Variants in AGPAT3 observed in about 807,000 individuals in gnomAD.
AGPAT3 encodes the protein 1-acylglycerol-3-phosphate O-acyltransferase 3.
In AGPAT3, 5 loss-of-function variants were observed where a neutral mutation model predicts 47.3. The observed-to-expected ratio is 0.11, with a 90% CI of 0.06 to 0.22. The LOEUF (loss-of-function observed/expected upper bound fraction) is 0.22. Ranked by LOEUF, AGPAT3 falls within the 10% of genes least tolerant of loss-of-function variation. The probability of loss-of-function intolerance (pLI) is 1.00; values close to 1 mark genes in which losing one functional copy is unlikely to be tolerated. For missense variants in AGPAT3, 315 were observed against 493.0 expected (o/e 0.64, Z 3.42); for synonymous variants, 212 against 208.3 (o/e 1.02, Z -0.15).
chr21:43,892,447 A>G (rs1229302268), intron 1 of AGPAT3, among the ~76,000 whole-genome samples: 4 of 152,216 alleles, frequency 2.6e-5, no homozygotes, highest in South Asian at 2.1e-4. Flanking sequence ...TGCATTGGCA[A>G]TGAACAGTAA....
At chr21:43,915,259 C>A (rs575696327) in intron 2 of AGPAT3, among the ~76,000 whole-genome samples, 1 of 151,570 alleles carries the variant, frequency 6.6e-6, no homozygotes, top group Admixed American at 6.6e-5. Context: ...ACCATGTTGG[C>A]CAGGCTGGTC....
chr21:43,905,157 ATTTATT>A (rs2086461929), intron 2 of AGPAT3, among the ~76,000 whole-genome samples: 6 of 15,964 alleles, frequency 3.8e-4, no homozygotes, highest in African/African-American at 3.7e-3. Context: ...TAAAAAAAAT[ATTTATT>A]TATTTATTTA....
chr21:43,901,097 T>C (rs2086339011), intron 1 of AGPAT3, among the ~76,000 whole-genome samples: 1 of 151,608 alleles, frequency 6.6e-6, no homozygotes, highest in African/African-American at 2.4e-5. Context: ...AGCCCAGGAG[T>C]TCAAGACCCT....
intron 2 of AGPAT3, among the ~76,000 whole-genome samples, chr21:43,909,420 C>A (rs151273946): frequency 6.6e-6 from 1 of 151,990 alleles, no homozygotes; most frequent in Non-Finnish European, 1.5e-5. Context: ...CTCAGCCTCC[C>A]GAGTAGCTGG....
chr21:43,949,537 A>T (rs1256459375), intron 2 of AGPAT3, among the ~76,000 whole-genome samples: 1 of 152,230 alleles, frequency 6.6e-6, no homozygotes, highest in African/African-American at 2.4e-5. Flanking sequence ...CACCAATCCC[A>T]CCACATTCTA....
intron 1 of AGPAT3, among the ~76,000 whole-genome samples, chr21:43,894,335 T>C (rs1186093952): frequency 6.6e-6 from 1 of 151,576 alleles, no homozygotes; most frequent in East Asian, 1.9e-4. Context: ...ATTTTTTTGG[T>C]GGTGGATGTT....
intron 2 of AGPAT3, among the ~76,000 whole-genome samples, chr21:43,915,630 T>C (rs1315333150): frequency 6.6e-6 from 1 of 151,946 alleles, no homozygotes; most frequent in Non-Finnish European, 1.5e-5. Context: ...CAGGCTGCTC[T>C]TGAACTCCTG....
chr21:43,865,321 G>T lies in AGPAT3; in HGVS notation c.-136G>T. Reference sequence around the variant, plus strand: ...GAGGCGACGCCGGGGACGCCCGCGCGACGAGCAGGTGGCGGCGGCTGCAGG... The same window carrying T: ...GAGGCGACGCCGGGGACGCCCGCGCTACGAGCAGGTGGCGGCGGCTGCAGG... On this transcript the variant is annotated 5_prime_UTR_variant, in exon 1 of 10. Coordinates refer to ENST00000291572, the MANE Select transcript of AGPAT3 (RefSeq NM_020132.5). 6.8e-6 allele frequency: 1 copy of T among 146,996 alleles called. No homozygotes were observed. Among genetic ancestry groups the T allele is most frequent in the South Asian group, 1.9e-4 (1 of 5,132 alleles). 9.1% of individuals were successfully genotyped at this position (146,996 alleles called of 1,614,324 possible).
At chr21:43,946,691 A>AATT (rs1777286298) in intron 2 of AGPAT3, among the ~76,000 whole-genome samples, 3 of 152,212 alleles carry the variant, frequency 2.0e-5, no homozygotes, top group Non-Finnish European at 4.4e-5. Flanking sequence ...GAGTAAAAGT[A>AATT]GTTATTATAA....
chr21:43,908,645 T>A lies in AGPAT3; in HGVS notation c.-49+4626T>A, dbSNP rs2086559637. On this transcript the variant is annotated intron_variant, in intron 2 of 9. Transcript: ENST00000291572. The surrounding 1 kb of genome is among the most constrained non-coding windows in gnomAD (Gnocchi z 4.9). ...GCCTCCAGCTCCGGGTTCAGGGCTG[T>A]GTCCAGGTTCAGGGGACTGTGAAAT... Among the ~76,000 whole-genome samples, 1 of 152,178 alleles carries A rather than the reference T, an allele frequency of 6.6e-6. No homozygotes were observed. The highest frequency in any genetic ancestry group is 1.5e-5 in the Non-Finnish European group (1 of 68,022).
At chr21:43,977,925 A>T (rs1022927329) in intron 7 of AGPAT3, 121 bp from the exon 8 acceptor site, 3 of 639,300 alleles carry the variant, frequency 4.7e-6, no homozygotes, top group Non-Finnish European at 8.1e-6. Flanking sequence ...TGAGAGTGAG[A>T]TGTGACAGAA....
Position 43,955,185 on chromosome 21 carries a change from C to A in AGPAT3, c.-48-4449C>A. 7.9e-7 allele frequency: 1 copy of A among 1,268,202 alleles called. No individual in the cohort carries two copies. Among genetic ancestry groups the A allele is most frequent in the African/African-American group, 1.5e-5 (1 of 65,360 alleles). The allele number at this position is 1,268,202 out of a possible 1,614,324, so 78.6% of individuals were successfully genotyped here. ...TCCCGGGGCCGTCTCAGAAGCACCGCGCTGGACCGGCTGGGCCAGATGCCA... is the reference window on the plus strand; with the variant it reads ...TCCCGGGGCCGTCTCAGAAGCACCGAGCTGGACCGGCTGGGCCAGATGCCA... On this transcript the variant is annotated intron_variant, in intron 2 of 9. Transcript: ENST00000291572. The surrounding 1 kb of genome is among the most constrained non-coding windows in gnomAD (Gnocchi z 4.1).
rs533684387 is a variant in AGPAT3, at chr21:43,970,148, C to T, written c.511-505C>T. The stretch of plus-strand genomic sequence containing the variant: ...CTCAGCCTCCAAGTTGCTGGGATTA[C>T]AGGCACTCACCACCACGACTGGCTA... On this transcript the variant is annotated intron_variant, in intron 5 of 9. Coordinates refer to ENST00000291572, the MANE Select transcript of AGPAT3 (RefSeq NM_020132.5). This position sits in a 1 kb window ranked among gnomAD's most constrained non-coding sequence, Gnocchi z 5.8. Among the ~76,000 whole-genome samples, 5 of 151,710 alleles carry T rather than the reference C, an allele frequency of 3.3e-5. No homozygotes were observed. In the South Asian group the frequency reaches 6.3e-4, roughly 19 times the overall value.
At chr21:43,879,765 C>T (rs778451299) in intron 1 of AGPAT3, among the ~76,000 whole-genome samples, 1 of 152,066 alleles carries the variant, frequency 6.6e-6, no homozygotes, top group Non-Finnish European at 1.5e-5. Context: ...CTGGGCCGCC[C>T]GGGGATGATG....
At chr21:43,956,441 T>C (rs552160993) in intron 2 of AGPAT3, among the ~76,000 whole-genome samples, 2 of 152,354 alleles carry the variant, frequency 1.3e-5, no homozygotes, top group East Asian at 1.9e-4. Context: ...GGCATCCTGC[T>C]GGGGTCATCT....
intron 8 of AGPAT3, among the ~76,000 whole-genome samples, chr21:43,978,975 C>A (rs1242136219): frequency 6.6e-6 from 1 of 152,120 alleles, no homozygotes; most frequent in Admixed American, 6.5e-5. Flanking sequence ...AAAATATCAT[C>A]GTAAATGCAT....
intron 2 of AGPAT3, among the ~76,000 whole-genome samples, chr21:43,923,368 G>A (rs2086953453): frequency 6.6e-6 from 1 of 152,220 alleles, no homozygotes; most frequent in Non-Finnish European, 1.5e-5. Flanking sequence ...CCTGTGAAAA[G>A]GAAAGAAAGA....
In AGPAT3 at chr21:43,920,420, C is replaced by T. The variant is rs867320822; in HGVS notation, c.-49+16401C>T. 3.9e-5 allele frequency among the ~76,000 whole-genome samples: 6 copies of T among 152,102 alleles called. No individual in the cohort carries two copies. Among genetic ancestry groups the T allele is most frequent in the Admixed American group, 3.9e-4 (6 of 15,272 alleles). On this transcript the variant is annotated intron_variant, in intron 2 of 9. Coordinates refer to ENST00000291572, the MANE Select transcript of AGPAT3 (RefSeq NM_020132.5). This position sits in a 1 kb window ranked among gnomAD's most constrained non-coding sequence, Gnocchi z 6.1. ...ATCAGAAACATACTTTGGTCTCTGG[C>T]CCTGGCTCTGGGCACACAGCTCCTA...
At chr21:43,897,999 C>T (rs574777433) in intron 1 of AGPAT3, among the ~76,000 whole-genome samples, 52 of 152,266 alleles carry the variant, frequency 3.4e-4, no homozygotes, top group African/African-American at 5.1e-4. Context: ...GGCATGGCGG[C>T]GCGCGCCTGC....
Sources: gnomAD v4.1 joint callset for allele counts (sites outside exome capture counted in the v4.1 genomes callset) on GRCh38, gnomAD v4.1.1 for gene constraint, Gnocchi (gnomAD v3.1) non-coding constraint, MANE v1.5 for transcripts, NCBI Gene and HGNC (gene_info 2026-07-23, HGNC 2026-07-21) for gene names.